Variants in COL4A2 observed in about 807,000 individuals in gnomAD.
COL4A2 encodes collagen type IV alpha 2 chain.
Under a neutral mutation model 200.2 loss-of-function variants are expected in COL4A2, and 99 were observed. The observed-to-expected ratio is 0.49, with a 90% CI of 0.42 to 0.58. COL4A2 has a LOEUF of 0.58. Among genes scored for constraint, COL4A2 ranks in the 20% least tolerant of loss-of-function variants. The probability of loss-of-function intolerance (pLI) is 0.00; values close to 1 mark genes in which losing one functional copy is unlikely to be tolerated. For missense variants in COL4A2, 1,950 were observed against 2,314.1 expected, an observed-to-expected ratio of 0.84 and a Z score of 3.23; for synonymous variants, 897 against 900.6, an observed-to-expected ratio of 1.00 and a Z score of 0.07.
At chr13:110,481,906 T>A (rs1445897550) in intron 31 of COL4A2, among the ~76,000 whole-genome samples, 1 of 83,880 alleles carries the variant, frequency 1.2e-5, no homozygotes, top group Non-Finnish European at 2.5e-5. Flanking sequence ...GGAGACACAC[T>A]GCTCTGTCCC....
intron 28 of COL4A2, among the ~76,000 whole-genome samples, chr13:110,471,637 G>A (rs960939511): frequency 6.6e-6 from 1 of 152,178 alleles, no homozygotes; most frequent in Admixed American, 6.5e-5. Context: ...TCTGAGTACG[G>A]TCTAGCTGAT....
At chr13:110,428,413 A>C (rs1431331192) in intron 6 of COL4A2, 54 bp from the exon 7 acceptor site, 4 of 1,048,824 alleles carry the variant, frequency 3.8e-6, no homozygotes, top group Middle Eastern at 2.0e-4. Context: ...TCACAGTTAC[A>C]TGACAACTAG....
chr13:110,493,821 G>GA (rs949985405), intron 39 of COL4A2, among the ~76,000 whole-genome samples: 2 of 151,800 alleles, frequency 1.3e-5, no homozygotes, highest in Non-Finnish European at 2.9e-5. Context: ...TCGGGTTCTG[G>GA]GGGGGGCCGC....
chr13:110,455,020 A>G (rs764406153), intron 20 of COL4A2, among the ~76,000 whole-genome samples: 6 of 152,036 alleles, frequency 3.9e-5, no homozygotes, highest in East Asian at 1.9e-4. Context: ...CCCATTCTGT[A>G]CTGGCTCCCT....
chr13:110,414,984 G>GA (rs1175268219), intron 4 of COL4A2, among the ~76,000 whole-genome samples: 1 of 152,154 alleles, frequency 6.6e-6, no homozygotes, highest in Non-Finnish European at 1.5e-5. Context: ...CACTCTGGGG[G>GA]AATCTCAGAT....
At chr13:110,424,905 G>T (rs1484796539) in intron 5 of COL4A2, 37 bp downstream of exon 5, 1 of 1,614,202 alleles carries the variant, frequency 6.2e-7, no homozygotes, top group Admixed American at 1.7e-5. Flanking sequence ...GCCTCATGAG[G>T]GTGGCGGGTA....
chr13:110,324,757 G>C (rs1010141764), intron 3 of COL4A2, among the ~76,000 whole-genome samples: 1 of 152,178 alleles, frequency 6.6e-6, no homozygotes, highest in African/African-American at 2.4e-5. Context: ...TTGAGTGGTT[G>C]CTTTCTAGCA....
At chr13:110,337,461 G>A (rs896136316) in intron 3 of COL4A2, among the ~76,000 whole-genome samples, 8 of 152,210 alleles carry the variant, frequency 5.3e-5, no homozygotes, top group Non-Finnish European at 8.8e-5. Flanking sequence ...TGCCAGGCTC[G>A]AGCCAGAGCA....
intron 4 of COL4A2, among the ~76,000 whole-genome samples, chr13:110,411,957 G>A (rs1018555972): frequency 3.9e-5 from 6 of 152,194 alleles, no homozygotes; most frequent in African/African-American, 1.4e-4. Flanking sequence ...GGACTACATA[G>A]GCTGACTGTT....
At chr13:110,432,870 G>T (rs910457593) in intron 11 of COL4A2, among the ~76,000 whole-genome samples, 3 of 152,216 alleles carry the variant, frequency 2.0e-5, no homozygotes, top group Admixed American at 6.5e-5. Context: ...TCCCAGAAAG[G>T]TTATTAAGTT....
At chr13:110,333,030 G>GGCA (rs976069182) in intron 3 of COL4A2, among the ~76,000 whole-genome samples, 8 of 152,164 alleles carry the variant, frequency 5.3e-5, no homozygotes, top group Non-Finnish European at 7.3e-5. Context: ...TTCTGGAGAG[G>GGCA]GCAGAGGGTG....
At chr13:110,402,996 G>A (rs904289936) in intron 4 of COL4A2, among the ~76,000 whole-genome samples, 17 of 152,322 alleles carry the variant, frequency 1.1e-4, no homozygotes, top group Middle Eastern at 3.4e-3. Flanking sequence ...CACTGCATCC[G>A]ATTGCAGGGA....
At chr13:110,320,633 A>G (rs1885251578) in intron 3 of COL4A2, among the ~76,000 whole-genome samples, 1 of 152,246 alleles carries the variant, frequency 6.6e-6, no homozygotes, top group Non-Finnish European at 1.5e-5. Flanking sequence ...CTCTGAACAA[A>G]GTCTAACTCT....
intron 4 of COL4A2, among the ~76,000 whole-genome samples, chr13:110,358,436 A>G (rs996184037): frequency 1.3e-5 from 2 of 152,220 alleles, no homozygotes; most frequent in Non-Finnish European, 2.9e-5. Context: ...TACAGTTAAC[A>G]TATGTACACA....
At chr13:110,456,826 G>T (rs976315172) in intron 20 of COL4A2, 3 of 474,604 alleles carry the variant, frequency 6.3e-6, no homozygotes, top group African/African-American at 6.0e-5. Context: ...CTGCGTCTGC[G>T]TGGAACCCCA....
At chr13:110,408,827 A>ACG (rs1174678912) in intron 4 of COL4A2, among the ~76,000 whole-genome samples, 2 of 118,712 alleles carry the variant, frequency 1.7e-5, no homozygotes, top group Admixed American at 9.4e-5. Flanking sequence ...ACACACATGC[A>ACG]CACACACATA....
intron 4 of COL4A2, among the ~76,000 whole-genome samples, chr13:110,416,238 T>TA (rs1360209655): frequency 2.6e-5 from 4 of 152,252 alleles, no homozygotes; most frequent in Non-Finnish European, 5.9e-5. Flanking sequence ...GAGCGTTTCA[T>TA]ACCCATTCGC....
chr13:110,506,220 A>ACT (rs577134561), intron 45 of COL4A2, among the ~76,000 whole-genome samples, 195 bp from the exon 46 acceptor site: 7 of 76,120 alleles, frequency 9.2e-5, no homozygotes, highest in Non-Finnish European at 1.3e-4. Flanking sequence ...CCGTCCACTC[A>ACT]CTCTCTCTCT....
chr13:110,438,877 G>A (rs1414233568), intron 15 of COL4A2, among the ~76,000 whole-genome samples: 1 of 140,978 alleles, frequency 7.1e-6, no homozygotes, highest in African/African-American at 2.7e-5. Context: ...GCTACAATCC[G>A]TGAACCATCT....
Sources: allele counts gnomAD v4.1 joint callset (sites outside exome capture counted in the v4.1 genomes callset), GRCh38; gene constraint gnomAD v4.1.1; transcripts MANE v1.5; gene names NCBI Gene and HGNC (gene_info 2026-07-23, HGNC 2026-07-21).